Variants in ARL13B observed in about 807,000 individuals in gnomAD.
ARL13B encodes the protein ARF like GTPase 13B.
A neutral mutation model predicts 56.1 loss-of-function variants in ARL13B; 36 were observed. The ratio of observed to expected loss-of-function variants is 0.64; its 90% CI spans 0.49 to 0.85. ARL13B has a LOEUF of 0.85. Ranked by LOEUF, ARL13B falls within the 40% of genes least tolerant of loss-of-function variation. The pLI is 0.00. For synonymous variants in ARL13B, 178 were observed against 171.1 expected (o/e 1.04, Z -0.32); for missense variants, 519 against 507.1 (o/e 1.02, Z -0.23).
chr3:94,040,121 A>T (rs1054514702), intron 6 of ARL13B, 133 bp downstream of exon 6: 24 of 781,358 alleles, frequency 3.1e-5, no homozygotes, highest in Non-Finnish European at 4.4e-5. Flanking sequence ...ATAAGAAATT[A>T]AACATGAGAG....
intron 3 of ARL13B, among the ~76,000 whole-genome samples, chr3:94,004,473 C>T (rs2076101520): frequency 6.6e-6 from 1 of 152,090 alleles, no homozygotes; most frequent in Non-Finnish European, 1.5e-5. Context: ...TACCAGCCCT[C>T]ATAGCATTTA....
intron 3 of ARL13B, among the ~76,000 whole-genome samples, chr3:94,024,355 A>G (rs1337219486): frequency 6.6e-6 from 1 of 152,214 alleles, no homozygotes; most frequent in Non-Finnish European, 1.5e-5. Context: ...CAGAGGCGAG[A>G]GAAAGAGAAA....
At chr3:94,042,217 G>A (rs1186952793) in intron 6 of ARL13B, among the ~76,000 whole-genome samples, 1 of 152,114 alleles carries the variant, frequency 6.6e-6, no homozygotes, top group Non-Finnish European at 1.5e-5. Flanking sequence ...TGAATATGAT[G>A]TAGAAAAAAA....
chr3:93,988,751 G>A, intron 1 of ARL13B: 1 of 419,978 alleles, frequency 2.4e-6, no homozygotes, highest in South Asian at 1.8e-5. Context: ...ACTTTGGCCT[G>A]TTTTCCCTAT....
intron 7 of ARL13B, among the ~76,000 whole-genome samples, chr3:94,044,969 G>A (rs902746896): frequency 2.6e-5 from 4 of 152,206 alleles, no homozygotes; most frequent in East Asian, 1.9e-4. Context: ...CATCAAGAAC[G>A]GGCCATGATG....
intron 7 of ARL13B, among the ~76,000 whole-genome samples, chr3:94,044,758 C>T (rs1375550531): frequency 4.1e-5 from 6 of 147,752 alleles, no homozygotes; most frequent in Non-Finnish European, 8.9e-5. Context: ...AGCGCCTCTG[C>T]CCGGCCGCCC....
intron 2 of ARL13B, 63 bp from the exon 3 acceptor site, chr3:94,003,596 G>A (rs2107434321): frequency 6.4e-7 from 1 of 1,569,126 alleles, no homozygotes; most frequent in African/African-American, 1.4e-5. Flanking sequence ...AATTTTAGTT[G>A]AAAAATTAAC....
intron 3 of ARL13B, among the ~76,000 whole-genome samples, chr3:94,025,079 A>G (rs2076527648): frequency 6.6e-6 from 1 of 152,206 alleles, no homozygotes; most frequent in Non-Finnish European, 1.5e-5. Context: ...TTTGGAAAGC[A>G]GGATATTTGA....
chr3:94,050,586 T>C (rs532917694), intron 8 of ARL13B, among the ~76,000 whole-genome samples: 6 of 152,332 alleles, frequency 3.9e-5, no homozygotes, highest in African/African-American at 9.6e-5. Context: ...GTGGTGAAGG[T>C]GCTTATAGTT....
intron 2 of ARL13B, among the ~76,000 whole-genome samples, chr3:93,997,200 T>C (rs2075982803): frequency 6.6e-6 from 1 of 152,100 alleles, no homozygotes; most frequent in Admixed American, 6.6e-5. Flanking sequence ...AAGTGCACAA[T>C]AAATGTAATG....
chr3:93,994,262 T>C (rs1382764941), intron 1 of ARL13B, among the ~76,000 whole-genome samples: 1 of 152,156 alleles, frequency 6.6e-6, no homozygotes, highest in African/African-American at 2.4e-5. Context: ...TGTACCTAAG[T>C]GTCTTTGCAG....
At chr3:94,005,837 A>G (rs1179831509) in intron 3 of ARL13B, among the ~76,000 whole-genome samples, 2 of 152,204 alleles carry the variant, frequency 1.3e-5, no homozygotes, top group Non-Finnish European at 2.9e-5. Context: ...GATAGAGGGA[A>G]AGGTTTTTTG....
chr3:94,007,538 C>T (rs2076154751), intron 3 of ARL13B, among the ~76,000 whole-genome samples: 1 of 152,050 alleles, frequency 6.6e-6, no homozygotes, highest in Non-Finnish European at 1.5e-5. Context: ...AGGCAAAAGG[C>T]ACTTCTTACA....
intron 8 of ARL13B, among the ~76,000 whole-genome samples, 187 bp downstream of exon 8, chr3:94,049,709 T>TA (rs1050775479): frequency 1.3e-5 from 2 of 151,882 alleles, no homozygotes; most frequent in Admixed American, 6.6e-5. Context: ...CTTTTTTGAA[T>TA]AAAAAAATGT....
chr3:93,987,174 A>C (rs930380226), intron 1 of ARL13B, among the ~76,000 whole-genome samples: 1 of 151,396 alleles, frequency 6.6e-6, no homozygotes, highest in African/African-American at 2.4e-5. Context: ...TTTTTTTTAA[A>C]TAGAGACAGG....
chr3:94,014,630 G>C, intron 3 of ARL13B: 1 of 1,613,494 alleles, frequency 6.2e-7, no homozygotes, highest in Non-Finnish European at 8.5e-7. Flanking sequence ...TTGTGTCTCT[G>C]TTCAATCTCT....
chr3:94,022,767 A>G (rs2076474702), intron 3 of ARL13B, among the ~76,000 whole-genome samples: 1 of 152,120 alleles, frequency 6.6e-6, no homozygotes, highest in South Asian at 2.1e-4. Context: ...AATGTATATT[A>G]TGGTGATTTT....
chr3:93,996,287 T>G (rs2075963878), intron 2 of ARL13B, among the ~76,000 whole-genome samples: 1 of 152,194 alleles, frequency 6.6e-6, no homozygotes, highest in Non-Finnish European at 1.5e-5. Context: ...TACATTTTCC[T>G]GGCCAGAAGT....
intron 3 of ARL13B, among the ~76,000 whole-genome samples, chr3:94,022,815 T>A (rs557705169): frequency 6.6e-6 from 1 of 152,186 alleles, no homozygotes; most frequent in South Asian, 2.1e-4. Context: ...ACCACATAGA[T>A]CAAGAAACAT....
Sources: allele counts gnomAD v4.1 joint callset (sites outside exome capture counted in the v4.1 genomes callset), GRCh38; gene constraint gnomAD v4.1.1; transcripts MANE v1.5; gene names NCBI Gene and HGNC (gene_info 2026-07-23, HGNC 2026-07-21).